TUBGCP5: variants seen among roughly 807,000 people sequenced by gnomAD.
The protein encoded by TUBGCP5 is gamma-tubulin complex component 5.
Under a neutral mutation model 134.7 loss-of-function variants are expected in TUBGCP5, and 98 were observed. That is an observed-to-expected ratio of 0.73 (90% confidence interval 0.62 to 0.86). The LOEUF (loss-of-function observed/expected upper bound fraction) is 0.86, where lower values mean the gene tolerates loss of function less well. TUBGCP5 is among the 40% of genes least tolerant of loss of function. The pLI, the probability that TUBGCP5 is intolerant of heterozygous loss-of-function variation, is 0.00. For synonymous variants in TUBGCP5, 456 were observed against 431.4 expected (o/e 1.06, Z -0.71); for missense variants, 1,150 against 1,244.8 (o/e 0.92, Z 1.15).
chr15:23,020,523 T>C (rs1385206940), intron 11 of TUBGCP5, among the ~76,000 whole-genome samples: 1 of 141,708 alleles, frequency 7.1e-6, no homozygotes, highest in African/African-American at 2.7e-5. Flanking sequence ...GAGGTGGAGG[T>C]TGCAGTGAGC....
intron 10 of TUBGCP5, chr15:23,023,712 G>T: frequency 2.7e-6 from 1 of 375,824 alleles, no homozygotes; most frequent in Admixed American, 4.4e-5. Context: ...TGACTGGCTG[G>T]GGTACTGGTG....
chr15:23,038,296 T>A, intron 1 of TUBGCP5, among the ~76,000 whole-genome samples: 1 of 101,292 alleles, frequency 9.9e-6, no homozygotes, highest in East Asian at 2.1e-4. Context: ...CCACTTTACC[T>A]ATTATAATTT....
chr15:23,012,027 G>A (rs554584527), intron 13 of TUBGCP5, among the ~76,000 whole-genome samples: 7 of 150,910 alleles, frequency 4.6e-5, no homozygotes, highest in African/African-American at 1.2e-4. Flanking sequence ...CGAGAACTGC[G>A]TGAGCACTGG....
chr15:23,031,492 ATT>A (rs1182613517), intron 5 of TUBGCP5, among the ~76,000 whole-genome samples: 2 of 151,864 alleles, frequency 1.3e-5, no homozygotes, highest in African/African-American at 4.8e-5. Context: ...AATTTTTTGT[ATT>A]CTTAGTTGAC....
At chr15:22,994,333 G>A (rs1384138593), downstream of TUBGCP5, among the ~76,000 whole-genome samples, 3 of 151,660 alleles carry the variant, frequency 2.0e-5, no homozygotes, top group Middle Eastern at 3.4e-3. Context: ...CCAATAATCC[G>A]CCTGCCTTGG....
At chr15:23,032,477 T>C (rs559615734) in intron 4 of TUBGCP5, among the ~76,000 whole-genome samples, 1 of 152,294 alleles carries the variant, frequency 6.6e-6, no homozygotes, top group East Asian at 1.9e-4. Flanking sequence ...TTTTAGACTG[T>C]TGTATTATTA....
rs1291853416 is a variant in TUBGCP5 at position 23,008,708 on chromosome 15, T to A, written c.2318A>T (p.Asp773Val). Residue 773 changes from aspartate (D) to valine (V), a missense_variant, in exon 16 of 23, where the codon GAT becomes GTT. This residue lies in a region of TUBGCP5 where 697 missense variants were observed against 850.1 expected (regional missense o/e 0.82). Coordinates refer to ENST00000615383, the MANE Select transcript of TUBGCP5 (RefSeq NM_052903.6). ...QEAVGQRYPE[D>V]SSRLSISFEN... ...GGCGTCCATATTTTACCGTGAACTATCTTCAGGATAACGCTGTCCTACTGC... is the reference window on the plus strand; with the variant it reads ...GGCGTCCATATTTTACCGTGAACTAACTTCAGGATAACGCTGTCCTACTGC... 1.2e-6 allele frequency: 2 copies of A among 1,607,472 alleles called. No homozygotes were observed.
chr15:23,008,560 C>T, intron 16 of TUBGCP5, 139 bp downstream of exon 16: 2 of 1,147,930 alleles, frequency 1.7e-6, no homozygotes, highest in Non-Finnish European at 1.3e-6. Context: ...GCCTGGCCTC[C>T]ATTTTCTAAT....
intron 13 of TUBGCP5, among the ~76,000 whole-genome samples, chr15:23,014,398 G>A (rs866215020): frequency 1.5e-4 from 23 of 152,328 alleles, no homozygotes; most frequent in African/African-American, 5.1e-4. Flanking sequence ...CCAACAGAGC[G>A]GCCACAGGCC....
At position 23,011,138 on chromosome 15, in the gene TUBGCP5, A is replaced by G; in HGVS notation, c.1950T>C (p.Phe650=). Residue 650 remains phenylalanine (F), a synonymous_variant, in exon 14 of 23, where the codon TTT becomes TTC. Coordinates refer to ENST00000615383, the MANE Select transcript of TUBGCP5 (RefSeq NM_052903.6). ...ACCTTGCAGGTGTGTCTCACCTTGC[A>G]AAGTTAATGGCAAGCAGTGGATCAT... ...DVHDPLLAIN[F]ARMYLEQSDF... is the part of the protein sequence containing the mutation. 4 of 1,613,754 alleles carry G rather than the reference A, an allele frequency of 2.5e-6. 1 individual carries two copies. In the Middle Eastern group the frequency reaches 4.9e-4, roughly 200 times the overall value.
At position 23,039,436 on chromosome 15, in the gene TUBGCP5, G is replaced by A. The variant is rs376013107; in HGVS notation, c.108C>T (p.Asn36=). The change falls in exon 1 of 23, where the codon AAC becomes AAT. Residue 36 remains asparagine, a synonymous_variant. Transcript: ENST00000615383. ...AGGCGAAGTTTAGGGCGAGCTGGAA[G>A]TTGGGGTCTGCCTCGTCCTGGAGGC... ...VAGLQDEADP[N]FQLALNFAWS... 9.1e-6 allele frequency: 14 copies of A among 1,538,210 alleles called. 1 individual carries two copies. The African/African-American group carries it at 1.8e-4, about 20-fold the overall frequency.
At position 23,039,508 on chromosome 15, in the gene TUBGCP5, G is replaced by A. The variant is rs754179385; in HGVS notation, c.36C>T (p.Asp12=). Residue 12 remains aspartate, a synonymous_variant, in exon 1 of 23, where the codon GAC becomes GAT. Coordinates refer to ENST00000615383, the MANE Select transcript of TUBGCP5 (RefSeq NM_052903.6). ...ARHGPPWSRL[D]AQQERDVREL... is the part of the protein sequence containing the mutation. ...CCCGCACGTCGCGCTCCTGCTGCGC[G>A]TCCAACCGACTCCACGGTGGCCCGT... 2.0e-6 allele frequency: 3 copies of A among 1,504,948 alleles called. No homozygotes were observed. Among genetic ancestry groups the A allele is most frequent in the Non-Finnish European group, 8.9e-7 (1 of 1,118,946 alleles). The allele number at this position is 1,504,948 out of a possible 1,614,324, so 93.2% of individuals were successfully genotyped here.
Position 23,039,486 on chromosome 15 carries a change from G to C in TUBGCP5, c.58C>G (p.Arg20Gly), listed in dbSNP as rs367581124. 7.9e-6 allele frequency: 12 copies of C among 1,524,410 alleles called. No individual in the cohort carries two copies. In the East Asian group the frequency reaches 2.9e-4, roughly 37 times the overall value. 94.4% of individuals were successfully genotyped at this position (1,524,410 alleles called of 1,614,324 possible). The change falls in exon 1 of 23, where the codon CGG (arginine) becomes GGG (glycine). Residue 20 changes from arginine (R) to glycine (G), a missense_variant. By Grantham distance (125) the Arg-to-Gly change is moderately radical. This residue lies in a region of TUBGCP5 where 453 missense variants were observed against 394.7 expected (regional missense o/e 1.15). Transcript: ENST00000615383. Reference sequence around the variant, plus strand: ...CCGGCGACACCCCGGACGAGCTCCCGCACGTCGCGCTCCTGCTGCGCGTCC... The same window carrying C: ...CCGGCGACACCCCGGACGAGCTCCCCCACGTCGCGCTCCTGCTGCGCGTCC... Reference protein sequence around the residue: ...RLDAQQERDVRELVRGVAGLQ... With the variant: ...RLDAQQERDVGELVRGVAGLQ...
chr15:23,002,150 G>GA (rs980814627), intron 21 of TUBGCP5, among the ~76,000 whole-genome samples: 31 of 134,976 alleles, frequency 2.3e-4, no homozygotes, highest in Admixed American at 5.2e-4. Flanking sequence ...AAAAAAAAAA[G>GA]AAAAAAAAAA....
At chr15:22,989,400 G>A (rs769527355) in intron 23 of TUBGCP5, among the ~76,000 whole-genome samples, 24 of 152,126 alleles carry the variant, frequency 1.6e-4, no homozygotes, top group Non-Finnish European at 2.6e-4. Flanking sequence ...CTAGCAACAC[G>A]AGGTGTGTGT....
At chr15:22,986,082 C>T (rs566612452) in intron 23 of TUBGCP5, among the ~76,000 whole-genome samples, 8 of 147,146 alleles carry the variant, frequency 5.4e-5, no homozygotes, top group African/African-American at 2.5e-5. Context: ...TGCAGTGAGC[C>T]GAGGTCACGC....
In TUBGCP5 at chr15:23,013,384, C is replaced by T. The variant is rs372605872; in HGVS notation, c.1757-2053G>A. Reference sequence around the variant, plus strand: ...AGGAGAGAACCCAGGAGGCGAAGTTCGCAGTGAGCCGAGATCGCGCCGCTG... The same window carrying T: ...AGGAGAGAACCCAGGAGGCGAAGTTTGCAGTGAGCCGAGATCGCGCCGCTG... On this transcript the variant is annotated intron_variant, in intron 13 of 22. Transcript: ENST00000615383. This position sits in a 1 kb window ranked among gnomAD's most constrained non-coding sequence, Gnocchi z 4.5. Among the ~76,000 whole-genome samples the T allele has an allele frequency of 3.3e-5, 5 of 150,890 alleles. No homozygotes were observed. Among genetic ancestry groups the T allele is most frequent in the African/African-American group, 7.3e-5 (3 of 41,070 alleles).
At chr15:23,008,093 A>AGGTCCCACTATGT (rs2064830030) in intron 16 of TUBGCP5, among the ~76,000 whole-genome samples, 1 of 152,138 alleles carries the variant, frequency 6.6e-6, no homozygotes, top group African/African-American at 2.4e-5. Flanking sequence ...TATAGGGACG[A>AGGTCCCACTATGT]GGTCCCACTA....
intron 3 of TUBGCP5, among the ~76,000 whole-genome samples, chr15:23,036,126 C>T (rs917199020): frequency 6.6e-6 from 1 of 152,196 alleles, no homozygotes; most frequent in African/African-American, 2.4e-5. Flanking sequence ...TGTTTCCATA[C>T]GCTTGCCATC....
Sources: gnomAD v4.1 joint callset for allele counts (sites outside exome capture counted in the v4.1 genomes callset) on GRCh38, gnomAD v4.1.1 for gene constraint, gnomAD v4.1.1 regional missense constraint, Gnocchi (gnomAD v3.1) non-coding constraint, MANE v1.5 for transcripts, NCBI Gene and HGNC (gene_info 2026-07-23, HGNC 2026-07-21) for gene names.